The following PDE8B variants were observed in gnomAD, a reference collection of about 807,000 sequenced individuals.
The protein encoded by PDE8B is phosphodiesterase 8B.
Under a neutral mutation model 101.3 loss-of-function variants are expected in PDE8B, and 26 were observed. That is an observed-to-expected ratio of 0.26 (90% CI 0.19 to 0.36). The LOEUF (loss-of-function observed/expected upper bound fraction) is 0.36, where lower values mean the gene tolerates loss of function less well. PDE8B is among the 10% of genes least tolerant of loss of function. The pLI is 1.00. For missense variants in PDE8B, 810 were observed against 1,163.1 expected, an observed-to-expected ratio of 0.70 and a Z score of 4.42; for synonymous variants, 424 against 429.3, an observed-to-expected ratio of 0.99 and a Z score of 0.15.
the PDE8B span, among the ~76,000 whole-genome samples, chr5:77,185,068 C>T: frequency 2.6e-5 from 4 of 152,086 alleles, no homozygotes; most frequent in African/African-American, 9.7e-5. Flanking sequence ...CTTGTAAATG[C>T]CTTGGCTCAG....
chr5:77,216,349 T>G (rs1037313499), intron 1 of PDE8B, among the ~76,000 whole-genome samples: 6 of 152,208 alleles, frequency 3.9e-5, no homozygotes, highest in African/African-American at 1.4e-4. Flanking sequence ...CACATTTCCA[T>G]GTGGCTGGGG....
chr5:77,390,723 G>A (rs73139013), intron 10 of PDE8B, among the ~76,000 whole-genome samples: 1 of 152,136 alleles, frequency 6.6e-6, no homozygotes, highest in Non-Finnish European at 1.5e-5. Flanking sequence ...TAATGCAGGG[G>A]GTGTTTCCTT....
chr5:77,421,782 C>T, intron 19 of PDE8B, 39 bp from the exon 20 acceptor site: 1 of 1,605,974 alleles, frequency 6.2e-7, no homozygotes. Flanking sequence ...GCTTCACCGT[C>T]ATCTTGAACC....
At chr5:77,152,089 T>C in the PDE8B span, 3 of 152,036 alleles carry the variant, frequency 2.0e-5, no homozygotes, top group African/African-American at 7.2e-5. Context: ...TAAAGCTAAG[T>C]TCTCCCCAGG....
chr5:77,423,634 T>TTTTG (rs1797215831), intron 20 of PDE8B, among the ~76,000 whole-genome samples: 1 of 31,660 alleles, frequency 3.2e-5, no homozygotes, highest in African/African-American at 2.1e-4. Context: ...TTTGTTTAGT[T>TTTTG]TTTTTTTTTT....
At chr5:77,353,517 GC>G in intron 10 of PDE8B, 111 bp downstream of exon 10, 1 of 763,768 alleles carries the variant, frequency 1.3e-6, no homozygotes. Context: ...TCTAATTGTA[GC>G]TGCCAATTAA....
At chr5:77,266,762 G>T (rs558726021) in intron 1 of PDE8B, among the ~76,000 whole-genome samples, 84 of 152,148 alleles carry the variant, frequency 5.5e-4, no homozygotes, top group Non-Finnish European at 1.1e-3. Flanking sequence ...TGCATAAAGA[G>T]AATCAACTGT....
chr5:77,294,100 A>G (rs965555242), intron 1 of PDE8B, among the ~76,000 whole-genome samples: 3 of 152,210 alleles, frequency 2.0e-5, no homozygotes, highest in African/African-American at 7.2e-5. Context: ...TCTGTAGTAT[A>G]ATTTTAAGCC....
the PDE8B span, among the ~76,000 whole-genome samples, chr5:77,154,638 A>G: frequency 6.6e-6 from 1 of 152,190 alleles, no homozygotes; most frequent in East Asian, 1.9e-4. Flanking sequence ...ACTCAGGACT[A>G]CTAGGATGCA....
chr5:77,418,528 A>G (rs1796014858), intron 18 of PDE8B, 82 bp downstream of exon 18: 3 of 961,610 alleles, frequency 3.1e-6, no homozygotes, highest in Admixed American at 4.0e-5. Flanking sequence ...CTTAGGGGAA[A>G]GGGAAAATAT....
the PDE8B span, among the ~76,000 whole-genome samples, chr5:77,176,587 T>G: frequency 6.6e-6 from 1 of 152,100 alleles, no homozygotes; most frequent in Non-Finnish European, 1.5e-5. Context: ...CCCAGGTTAG[T>G]CCAGAGGGAG....
intron 3 of PDE8B, among the ~76,000 whole-genome samples, chr5:77,328,208 T>C (rs1219248519): frequency 6.6e-6 from 1 of 152,182 alleles, no homozygotes; most frequent in Non-Finnish European, 1.5e-5. Flanking sequence ...TGTGGGCCTT[T>C]ATTAAAAGTT....
At chr5:77,287,086 C>T (rs138344186) in intron 1 of PDE8B, among the ~76,000 whole-genome samples, 33 of 152,114 alleles carry the variant, frequency 2.2e-4, no homozygotes, top group African/African-American at 6.0e-4. Flanking sequence ...ACAAATTTAC[C>T]TTTTCTAAAT....
At chr5:77,390,808 A>G (rs1434962438) in intron 10 of PDE8B, among the ~76,000 whole-genome samples, 1 of 152,190 alleles carries the variant, frequency 6.6e-6, no homozygotes, top group Non-Finnish European at 1.5e-5. Context: ...TGACAGAGCA[A>G]ATGGTTTTAG....
intron 10 of PDE8B, among the ~76,000 whole-genome samples, chr5:77,357,251 AG>A (rs1782278090): frequency 6.6e-6 from 1 of 152,298 alleles, no homozygotes; most frequent in South Asian, 2.1e-4. Flanking sequence ...GGAGCCAGTG[AG>A]GGCCAGTGGA....
intron 1 of PDE8B, among the ~76,000 whole-genome samples, chr5:77,267,883 A>G (rs971441269): frequency 4.6e-5 from 7 of 152,236 alleles, no homozygotes; most frequent in Admixed American, 1.3e-4. Context: ...TAAGTTGTCT[A>G]TAAGTTGATT....
intron 13 of PDE8B, among the ~76,000 whole-genome samples, chr5:77,407,984 C>T (rs1294958761): frequency 6.6e-6 from 1 of 152,218 alleles, no homozygotes; most frequent in South Asian, 2.1e-4. Flanking sequence ...CACTGGAAAC[C>T]ACTGAAGAGT....
At chr5:77,174,837 ACT>A in the PDE8B span, among the ~76,000 whole-genome samples, 3 of 151,814 alleles carry the variant, frequency 2.0e-5, no homozygotes, top group South Asian at 2.1e-4. Flanking sequence ...TACACTAATG[ACT>A]CTCAAATTTA....
the PDE8B span, among the ~76,000 whole-genome samples, chr5:77,164,763 G>T: frequency 1.2e-3 from 184 of 152,238 alleles, no homozygotes; most frequent in Non-Finnish European, 2.3e-3. Context: ...TGTGTTGGGG[G>T]GAACATGTAT....
Sources: gnomAD v4.1 joint callset for allele counts (sites outside exome capture counted in the v4.1 genomes callset) on GRCh38, gnomAD v4.1.1 for gene constraint, MANE v1.5 for transcripts, NCBI Gene and HGNC (gene_info 2026-07-23, HGNC 2026-07-21) for gene names.